Variants in AOPEP observed in about 807,000 individuals in gnomAD.
AOPEP encodes aminopeptidase O.
AOPEP carries 77 observed loss-of-function variants against 98.1 expected under a neutral mutation model. That is an observed-to-expected ratio of 0.78 (90% CI 0.65 to 0.95). AOPEP has a LOEUF of 0.95. AOPEP is among the 40% of genes least tolerant of loss of function. The pLI is 0.00. For missense variants in AOPEP, 1,024 were observed against 1,024.7 expected, an observed-to-expected ratio of 1.00 and a Z score of 0.01; for synonymous variants, 346 against 365.3, an observed-to-expected ratio of 0.95 and a Z score of 0.60.
chr9:95,083,346 CCA>C (rs1379817771), intron 16 of AOPEP, among the ~76,000 whole-genome samples: 2 of 150,006 alleles, frequency 1.3e-5, no homozygotes, highest in South Asian at 2.1e-4. Context: ...ACAGCACACA[CCA>C]CACAGCGCAC....
chr9:94,816,037 C>G lies in AOPEP; in HGVS notation c.1364+15035C>G, dbSNP rs558520789. 2.0e-5 allele frequency among the ~76,000 whole-genome samples: 3 copies of G among 152,292 alleles called. No individual in the cohort carries two copies. The South Asian group carries it at 6.2e-4, about 32-fold the overall frequency. The stretch of plus-strand genomic sequence containing the variant: ...ACTGAGGTGAGTGTTAATATATTTT[C>G]TTAGGGCCTTCACAAGGTGACCCTG... On this transcript the variant is annotated intron_variant, in intron 5 of 16. Coordinates refer to ENST00000375315, the MANE Select transcript of AOPEP (RefSeq NM_001193329.3).
At chr9:95,073,057 C>T (rs1268857440) in intron 14 of AOPEP, among the ~76,000 whole-genome samples, 2 of 152,222 alleles carry the variant, frequency 1.3e-5, no homozygotes, top group African/African-American at 2.4e-5. Context: ...TCCCAGGTGC[C>T]TGTCCCTGGG....
intron 13 of AOPEP, among the ~76,000 whole-genome samples, chr9:95,013,621 T>A (rs76913390): frequency 6.6e-6 from 1 of 152,214 alleles, no homozygotes; most frequent in South Asian, 2.1e-4. Context: ...TGCTTTTAGA[T>A]TGATGTCTTT....
intron 7 of AOPEP, among the ~76,000 whole-genome samples, chr9:94,943,155 A>C (rs1366188378): frequency 6.6e-6 from 1 of 152,218 alleles, no homozygotes; most frequent in African/African-American, 2.4e-5. Context: ...TTTGTGCGAC[A>C]GAGGACTCCA....
At chr9:94,914,288 C>T (rs973638956) in intron 5 of AOPEP, among the ~76,000 whole-genome samples, 55 of 152,238 alleles carry the variant, frequency 3.6e-4, no homozygotes, top group African/African-American at 1.3e-3. Flanking sequence ...AAGTTGGGAC[C>T]ACAGCAAACT....
the AOPEP span, among the ~76,000 whole-genome samples, chr9:95,093,378 G>A: frequency 1.3e-5 from 2 of 152,266 alleles, no homozygotes; most frequent in South Asian, 4.1e-4. Flanking sequence ...CTGTGAATAA[G>A]AAACAAAAGC....
chr9:95,115,351 A>G, the AOPEP span, among the ~76,000 whole-genome samples: 2 of 152,124 alleles, frequency 1.3e-5, no homozygotes, highest in East Asian at 1.9e-4. Context: ...CTTCTTTTCT[A>G]CCTACACACT....
At chr9:95,061,801 A>G (rs2084830276) in intron 14 of AOPEP, among the ~76,000 whole-genome samples, 1 of 152,208 alleles carries the variant, frequency 6.6e-6, no homozygotes. Context: ...AGTGATTGAA[A>G]AACTCCAGAG....
intron 14 of AOPEP, among the ~76,000 whole-genome samples, chr9:95,065,849 A>G (rs927951387): frequency 4.6e-5 from 7 of 152,300 alleles, no homozygotes; most frequent in Admixed American, 2.6e-4. Context: ...GATGCCATCA[A>G]CCTTAGGTTA....
In AOPEP at chr9:94,856,651, A is replaced by G. The variant is rs2044256579; in HGVS notation, c.1364+55649A>G. ...AGTGAAACTCCGTCTTAAAAAAAAA[A>G]AAAAAAAAAAAAGCAGGTAGATGAT... On this transcript the variant is annotated intron_variant, in intron 5 of 16. Transcript: ENST00000375315. Among the ~76,000 whole-genome samples the G allele has an allele frequency of 2.7e-5, 4 of 149,808 alleles. No individual in the cohort carries two copies. The South Asian group carries it at 8.4e-4, about 31-fold the overall frequency.
At chr9:95,000,576 C>T (rs947477617) in intron 11 of AOPEP, among the ~76,000 whole-genome samples, 4 of 152,082 alleles carry the variant, frequency 2.6e-5, no homozygotes, top group African/African-American at 4.8e-5. Context: ...GACGTGGTGG[C>T]AGGCGCCTGT....
intron 5 of AOPEP, among the ~76,000 whole-genome samples, chr9:94,864,393 C>T: frequency 6.6e-6 from 1 of 152,126 alleles, no homozygotes; most frequent in Non-Finnish European, 1.5e-5. Flanking sequence ...TTCATCAAAG[C>T]TATTTTGGTT....
chr9:95,042,985 T>TG (rs2065468557), intron 13 of AOPEP, among the ~76,000 whole-genome samples: 1 of 151,592 alleles, frequency 6.6e-6, no homozygotes, highest in African/African-American at 2.4e-5. Flanking sequence ...TAGGTAGGGG[T>TG]TTTTTGGCAG....
intron 13 of AOPEP, among the ~76,000 whole-genome samples, chr9:95,049,655 A>G (rs996207203): frequency 1.3e-5 from 2 of 152,222 alleles, no homozygotes; most frequent in Admixed American, 6.5e-5. Context: ...GTAAAGGAAG[A>G]TACAAAAATA....
rs2066578022 is a variant in AOPEP, at chr9:95,053,634, C to T, written c.2116-7060C>T. On this transcript the variant is annotated intron_variant, in intron 13 of 16. Transcript: ENST00000375315. ...GGAACTCAGAATTATAAAATGTATA[C>T]TCTCCTTCAAGATAAATACAACAAG... Among the ~76,000 whole-genome samples the T allele has an allele frequency of 2.0e-5, 3 of 152,288 alleles. No individual in the cohort carries two copies. The South Asian group carries it at 6.2e-4, about 32-fold the overall frequency.
chr9:94,772,894 A>G (rs990611760), intron 2 of AOPEP, 108 bp from the exon 3 acceptor site: 2 of 1,143,622 alleles, frequency 1.7e-6, no homozygotes, highest in East Asian at 2.4e-5. Context: ...CAAAGTTTCA[A>G]ATGTTTTCTT....
At chr9:94,924,688 T>A (rs2054047763) in intron 6 of AOPEP, among the ~76,000 whole-genome samples, 1 of 152,102 alleles carries the variant, frequency 6.6e-6, no homozygotes, top group Non-Finnish European at 1.5e-5. Context: ...CGGTATAGAT[T>A]AGGGAATGGT....
the AOPEP span, chr9:95,110,783 G>T: frequency 4.8e-5 from 53 of 1,107,048 alleles, no homozygotes; most frequent in Non-Finnish European, 5.6e-5. Flanking sequence ...GCAAATCAAT[G>T]CTTGCAAGGG....
intron 5 of AOPEP, among the ~76,000 whole-genome samples, chr9:94,822,309 A>G (rs1382201180): frequency 6.6e-6 from 1 of 152,224 alleles, no homozygotes; most frequent in Non-Finnish European, 1.5e-5. Flanking sequence ...TGAATGCCTG[A>G]TCAGCTGTGA....
Sources: gnomAD v4.1 joint callset for allele counts (sites outside exome capture counted in the v4.1 genomes callset) on GRCh38, gnomAD v4.1.1 for gene constraint, MANE v1.5 for transcripts, NCBI Gene and HGNC (gene_info 2026-07-23, HGNC 2026-07-21) for gene names.